RGS6: variants seen among roughly 807,000 people sequenced by gnomAD.
RGS6 encodes the protein regulator of G-protein signaling 6.
RGS6 carries 30 observed loss-of-function variants against 78.5 expected under a neutral mutation model. The observed-to-expected ratio is 0.38, with a 90% CI of 0.29 to 0.52. RGS6 has a LOEUF of 0.52. Among genes scored for constraint, RGS6 ranks in the 20% least tolerant of loss-of-function variants. RGS6 has a pLI of 0.85. For synonymous variants in RGS6, 206 were observed against 206.0 expected, an observed-to-expected ratio of 1.00 and a Z score of 0.00; for missense variants, 495 against 609.7, an observed-to-expected ratio of 0.81 and a Z score of 1.98.
At chr14:72,579,318 T>A in the RGS6 span, among the ~76,000 whole-genome samples, 1 of 152,216 alleles carries the variant, frequency 6.6e-6, no homozygotes, top group Non-Finnish European at 1.5e-5. Context: ...CACTGTCATG[T>A]GCCACACGTA....
chr14:72,529,197 G>A (rs879704190), intron 15 of RGS6, among the ~76,000 whole-genome samples: 3 of 152,212 alleles, frequency 2.0e-5, no homozygotes, highest in Non-Finnish European at 4.4e-5. Context: ...GTGGAAAAGA[G>A]AGGCCCAGGC....
At chr14:72,382,389 C>T (rs2086398685) in intron 3 of RGS6, among the ~76,000 whole-genome samples, 1 of 152,114 alleles carries the variant, frequency 6.6e-6, no homozygotes, top group South Asian at 2.1e-4. Flanking sequence ...ATTAAAACTA[C>T]AGTGAGATAT....
intron 14 of RGS6, among the ~76,000 whole-genome samples, chr14:72,517,860 A>T (rs955051086): frequency 6.6e-6 from 1 of 152,230 alleles, no homozygotes; most frequent in Non-Finnish European, 1.5e-5. Flanking sequence ...GCATGGTGGC[A>T]TGTATGTAGC....
intron 3 of RGS6, among the ~76,000 whole-genome samples, chr14:72,415,578 T>C (rs1402376638): frequency 6.6e-6 from 1 of 152,244 alleles, no homozygotes; most frequent in Non-Finnish European, 1.5e-5. Flanking sequence ...CCCAGTGAGA[T>C]GAACCCGGTA....
At chr14:72,162,634 A>G (rs978509044) in intron 2 of RGS6, among the ~76,000 whole-genome samples, 7 of 152,172 alleles carry the variant, frequency 4.6e-5, no homozygotes. Flanking sequence ...AAACCTTTGC[A>G]TAACTACTGG....
intron 2 of RGS6, among the ~76,000 whole-genome samples, chr14:72,196,940 C>A (rs1473017484): frequency 6.6e-6 from 1 of 152,192 alleles, no homozygotes; most frequent in African/African-American, 2.4e-5. Flanking sequence ...ACTTAAATTG[C>A]TTGAATTATT....
At position 72,077,873 on chromosome 14, in the gene RGS6, C is replaced by A. The variant is rs140317068; in HGVS notation, c.84+112998C>A. Among the ~76,000 whole-genome samples the A allele has an allele frequency of 1.1e-4, 16 of 152,324 alleles. No individual in the cohort carries two copies. In the East Asian group the frequency reaches 1.5e-3, roughly 15 times the overall value. On this transcript the variant is annotated intron_variant, in intron 2 of 17. Transcript: ENST00000553525. ...GGGAGAATTTGAAGTATTATATCTT[C>A]TAATTTAAGTTAGAGTACAGGAATT...
At chr14:72,444,664 G>C (rs1202839269) in intron 3 of RGS6, among the ~76,000 whole-genome samples, 2 of 114,698 alleles carry the variant, frequency 1.7e-5, no homozygotes, top group East Asian at 6.5e-4. Context: ...CTCCATCCCA[G>C]CTACAGCTAA....
At chr14:71,997,245 C>A (rs1422734529) in intron 2 of RGS6, among the ~76,000 whole-genome samples, 1 of 152,096 alleles carries the variant, frequency 6.6e-6, no homozygotes, top group East Asian at 1.9e-4. Context: ...ATGTGGGCAC[C>A]ACTTACTTGT....
At chr14:72,540,652 C>T (rs745826365) in intron 17 of RGS6, 15 of 1,407,498 alleles carry the variant, frequency 1.1e-5, no homozygotes, top group Admixed American at 5.5e-5. Context: ...GTGTGTTAGT[C>T]GCCTCTGCAT....
At chr14:71,891,146 T>C in the RGS6 span, among the ~76,000 whole-genome samples, 1 of 152,226 alleles carries the variant, frequency 6.6e-6, no homozygotes, top group Non-Finnish European at 1.5e-5. Flanking sequence ...TCATAGAATA[T>C]TGTAGTTTGT....
chr14:72,101,675 G>A (rs551621087), intron 2 of RGS6, among the ~76,000 whole-genome samples: 32 of 152,138 alleles, frequency 2.1e-4, no homozygotes, highest in Non-Finnish European at 2.9e-4. Flanking sequence ...GCTTGGATAC[G>A]TGTTGTGCAT....
intron 2 of RGS6, among the ~76,000 whole-genome samples, chr14:72,330,413 A>G (rs530073532): frequency 1.3e-5 from 2 of 152,030 alleles, no homozygotes; most frequent in South Asian, 4.2e-4. Context: ...GTGACTGTAA[A>G]TGGAGAAGAA....
intron 12 of RGS6, among the ~76,000 whole-genome samples, chr14:72,481,792 C>T (rs2096383936): frequency 6.7e-6 from 1 of 149,228 alleles, no homozygotes; most frequent in South Asian, 2.1e-4. Context: ...ACACCCTAAG[C>T]TTTTTATTTT....
chr14:72,324,933 T>C (rs1288339797), intron 2 of RGS6, among the ~76,000 whole-genome samples: 1 of 152,242 alleles, frequency 6.6e-6, no homozygotes, highest in Admixed American at 6.5e-5. Context: ...ATTACCACAC[T>C]GTCTTCCACA....
intron 2 of RGS6, among the ~76,000 whole-genome samples, chr14:72,173,303 G>A (rs985672650): frequency 6.6e-6 from 1 of 152,066 alleles, no homozygotes; most frequent in East Asian, 1.9e-4. Context: ...TGTCAGTAGT[G>A]CCAAAGTGGA....
At chr14:71,919,722 G>T in the RGS6 span, among the ~76,000 whole-genome samples, 3 of 152,080 alleles carry the variant, frequency 2.0e-5, no homozygotes, top group Admixed American at 2.0e-4. Context: ...AGCTGGGCGC[G>T]GTGGCTCACA....
chr14:72,587,686 T>C, the RGS6 span, among the ~76,000 whole-genome samples: 1 of 151,970 alleles, frequency 6.6e-6, no homozygotes, highest in Non-Finnish European at 1.5e-5. Context: ...AGCAGAAAAA[T>C]TCTGCCCCTC....
At chr14:72,182,198 A>G (rs538637675) in intron 2 of RGS6, among the ~76,000 whole-genome samples, 64 of 152,210 alleles carry the variant, frequency 4.2e-4, no homozygotes, top group Non-Finnish European at 8.1e-4. Flanking sequence ...TCATGCGGTC[A>G]AGAGATCGAG....
Sources: gnomAD v4.1 joint callset for allele counts (sites outside exome capture counted in the v4.1 genomes callset) on GRCh38, gnomAD v4.1.1 for gene constraint, MANE v1.5 for transcripts, NCBI Gene and HGNC (gene_info 2026-07-23, HGNC 2026-07-21) for gene names.